The following INSR variants were observed in gnomAD, a reference collection of about 807,000 sequenced individuals.
INSR encodes IR.
Under a neutral mutation model 142.6 loss-of-function variants are expected in INSR, and 67 were observed. The observed-to-expected ratio is 0.47, with a 90% CI of 0.39 to 0.58. The LOEUF (loss-of-function observed/expected upper bound fraction) is 0.58. Ranked by LOEUF, INSR falls within the 20% of genes least tolerant of loss-of-function variation. INSR has a pLI of 0.00. For synonymous variants in INSR, 756 were observed against 743.1 expected, an observed-to-expected ratio of 1.02 and a Z score of -0.28; for missense variants, 1,248 against 1,833.2, an observed-to-expected ratio of 0.68 and a Z score of 5.83.
intron 11 of INSR, among the ~76,000 whole-genome samples, chr19:7,146,635 A>G (rs1384537715): frequency 1.3e-5 from 2 of 152,164 alleles, no homozygotes; most frequent in Non-Finnish European, 2.9e-5. Flanking sequence ...TAGTTTTTCT[A>G]TTATAGGAAA....
At chr19:7,261,562 A>G (rs1159907999) in intron 2 of INSR, among the ~76,000 whole-genome samples, 2 of 141,480 alleles carry the variant, frequency 1.4e-5, no homozygotes, top group Non-Finnish European at 1.6e-5. Flanking sequence ...ATGGAGTTTC[A>G]CTCTGTCGGC....
At chr19:7,155,494 C>T (rs1379266971) in intron 9 of INSR, among the ~76,000 whole-genome samples, 3 of 147,730 alleles carry the variant, frequency 2.0e-5, no homozygotes, top group South Asian at 2.1e-4. Context: ...GCCAAGATTG[C>T]GCCACTGCAC....
In INSR at chr19:7,259,044, CCTTT is replaced by C. The variant is rs764863154; in HGVS notation, c.652+8297_652+8300del. Among the ~76,000 whole-genome samples, 27 of 141,932 alleles carry C rather than the reference CCTTT, an allele frequency of 1.9e-4. 3 individuals are homozygous for C. The highest frequency in any genetic ancestry group is 4.4e-4 in the African/African-American group (17 of 38,314). The allele number at this position is 141,932 out of a possible 152,430, so 93.1% of individuals were successfully genotyped here. A position where few individuals can be genotyped will look rare whatever the true frequency, so the allele number is the denominator to read the frequency against. On this transcript the variant is annotated intron_variant, in intron 2 of 21. Transcript: ENST00000302850. Reference sequence around the variant, plus strand: ...CCCTCCTTTCCTTCCCTCCTTCCTTCCTTTCTTTCTTCCTTCCTTTCTCCTTCCC... The same window carrying C: ...CCCTCCTTTCCTTCCCTCCTTCCTTCCTTTCTTCCTTCCTTTCTCCTTCCC...
chr19:7,263,771 G>A (rs1398206168), intron 2 of INSR, among the ~76,000 whole-genome samples: 1 of 152,058 alleles, frequency 6.6e-6, no homozygotes, highest in Non-Finnish European at 1.5e-5. Context: ...AGTGGCCGAT[G>A]CATGTAATCC....
chr19:7,244,538 G>GA (rs1178083703), intron 2 of INSR, among the ~76,000 whole-genome samples: 24 of 110,358 alleles, frequency 2.2e-4, no homozygotes, highest in East Asian at 2.1e-3. Context: ...GTCTCAAAAA[G>GA]AAAAAAAAAG....
chr19:7,256,538 G>A (rs2145187463), intron 2 of INSR, among the ~76,000 whole-genome samples: 1 of 152,204 alleles, frequency 6.6e-6, no homozygotes, highest in South Asian at 2.1e-4. Context: ...GTTGAAGCAG[G>A]TGGATTGCTT....
intron 1 of INSR, among the ~76,000 whole-genome samples, chr19:7,287,057 C>T (rs1201902817): frequency 1.3e-5 from 2 of 151,754 alleles, no homozygotes. Context: ...GCTGTGTTGT[C>T]CAGGCTGATC....
chr19:7,252,566 C>T (rs1189076186), intron 2 of INSR, among the ~76,000 whole-genome samples: 1 of 152,204 alleles, frequency 6.6e-6, no homozygotes, highest in Non-Finnish European at 1.5e-5. Flanking sequence ...ACGGGCTTTG[C>T]AGGTGGTCAG....
At chr19:7,199,767 C>G (rs1476494978) in intron 2 of INSR, among the ~76,000 whole-genome samples, 1 of 151,988 alleles carries the variant, frequency 6.6e-6, no homozygotes, top group Non-Finnish European at 1.5e-5. Context: ...ATCTGACACC[C>G]TCTTGGCATT....
In INSR at chr19:7,185,841, C is replaced by CAAAAAAAAAAAAAAAAA. The variant is rs754262409; in HGVS notation, c.653-1221_653-1205dup. On this transcript the variant is annotated intron_variant, in intron 2 of 21. Coordinates refer to ENST00000302850, the MANE Select transcript of INSR (RefSeq NM_000208.4). ...CTGGGCAACAAGTGCAAAATTCTGT[C>CAAAAAAAAAAAAAAAAA]AAAAAAAAAAAAAAAAAAGAGAGAG... Among the ~76,000 whole-genome samples, 20 of 45,036 alleles carry CAAAAAAAAAAAAAAAAA rather than the reference C, an allele frequency of 4.4e-4. 1 individual carries two copies. Among genetic ancestry groups the CAAAAAAAAAAAAAAAAA allele is most frequent in the Non-Finnish European group, 6.3e-4 (17 of 27,112 alleles). 29.5% of individuals were successfully genotyped at this position (45,036 alleles called of 152,430 possible). A position where few individuals can be genotyped will look rare whatever the true frequency, so the allele number is the denominator to read the frequency against.
At chr19:7,126,873 G>A (rs1025156387) in intron 15 of INSR, among the ~76,000 whole-genome samples, 3 of 144,006 alleles carry the variant, frequency 2.1e-5, no homozygotes, top group South Asian at 4.8e-4. Flanking sequence ...ATCCCTCCCT[G>A]GGTGGTTTTT....
chr19:7,152,281 C>T, intron 10 of INSR: 2 of 272,616 alleles, frequency 7.3e-6, no homozygotes, highest in Non-Finnish European at 1.4e-5. Flanking sequence ...GTCCCAGCTA[C>T]TTGGGAGGCT....
Position 7,166,389 on chromosome 19 carries a change from C to A in INSR, c.1626G>T (p.Val542=). ...LFYKEAPYQN[V]TEFDGQDACG... Reference sequence around the variant, plus strand: ...ACGCATCCTGCCCGTCGAACTCCGTCACATTCTGATAAGGGCTTTCAAGAC... The same window carrying A: ...ACGCATCCTGCCCGTCGAACTCCGTAACATTCTGATAAGGGCTTTCAAGAC... The change falls in exon 8 of 22, where the codon GTG becomes GTT. Residue 542 remains valine (V), a synonymous_variant. Coordinates refer to ENST00000302850, the MANE Select transcript of INSR (RefSeq NM_000208.4). The surrounding 1 kb of genome is among the most constrained non-coding windows in gnomAD (Gnocchi z 4.1). 1.2e-6 allele frequency: 2 copies of A among 1,614,002 alleles called. No individual in the cohort carries two copies. Among genetic ancestry groups the A allele is most frequent in the South Asian group, 2.2e-5 (2 of 91,046 alleles).
chr19:7,186,309 G>A (rs947417777), intron 2 of INSR, among the ~76,000 whole-genome samples: 1 of 152,086 alleles, frequency 6.6e-6, no homozygotes, highest in Non-Finnish European at 1.5e-5. Context: ...CAAACTCAGG[G>A]AACAGAAGTG....
intron 2 of INSR, among the ~76,000 whole-genome samples, chr19:7,223,368 T>C (rs1467533265): frequency 6.6e-6 from 1 of 152,154 alleles, no homozygotes; most frequent in East Asian, 1.9e-4. Flanking sequence ...GAGGTAACCA[T>C]TGACAGAAAT....
At chr19:7,145,740 G>A (rs1973170359) in intron 11 of INSR, among the ~76,000 whole-genome samples, 1 of 152,196 alleles carries the variant, frequency 6.6e-6, no homozygotes. Flanking sequence ...TGAGCTAGAC[G>A]CTCTGCAAAT....
chr19:7,184,703 T>A, intron 2 of INSR, 66 bp from the exon 3 acceptor site: 1 of 1,181,758 alleles, frequency 8.5e-7, no homozygotes, highest in Non-Finnish European at 1.1e-6. Flanking sequence ...AATAAATAAA[T>A]AAATGGCTTT....
chr19:7,135,899 C>T (rs932832749), intron 13 of INSR, among the ~76,000 whole-genome samples: 4 of 149,004 alleles, frequency 2.7e-5, no homozygotes, highest in African/African-American at 9.9e-5. Flanking sequence ...ACCCAGGAAG[C>T]GGAGGTTGCA....
At chr19:7,250,600 G>GGAGGGAGGGAAGGAAGGAAGGAA (rs1568218256) in intron 2 of INSR, among the ~76,000 whole-genome samples, 1 of 130,962 alleles carries the variant, frequency 7.6e-6, no homozygotes, top group Non-Finnish European at 1.6e-5. Context: ...GAAGGAAGGA[G>GGAGGGAGGGAAGGAAGGAAGGAA]AGGAGGGAGG....
Sources: gnomAD v4.1 joint callset for allele counts (sites outside exome capture counted in the v4.1 genomes callset) on GRCh38, gnomAD v4.1.1 for gene constraint, Gnocchi (gnomAD v3.1) non-coding constraint, MANE v1.5 for transcripts, NCBI Gene and HGNC (gene_info 2026-07-23, HGNC 2026-07-21) for gene names.